The following PGBD5 variants were observed in gnomAD, a reference collection of about 807,000 sequenced individuals.
PGBD5 encodes piggyBac transposable element derived 5.
Under a neutral mutation model 47.9 loss-of-function variants are expected in PGBD5, and 14 were observed. The ratio of observed to expected loss-of-function variants is 0.29; its 90% CI spans 0.19 to 0.46. The LOEUF (loss-of-function observed/expected upper bound fraction) is 0.46, where lower values mean the gene tolerates loss of function less well. Ranked by LOEUF, PGBD5 falls within the 20% of genes least tolerant of loss-of-function variation. The pLI, the probability that PGBD5 is intolerant of heterozygous loss-of-function variation, is 1.00. For synonymous variants in PGBD5, 316 were observed against 306.3 expected, an observed-to-expected ratio of 1.03 and a Z score of -0.33; for missense variants, 635 against 716.0, an observed-to-expected ratio of 0.89 and a Z score of 1.29.
chr1:230,343,536 C>T (rs1197286073), intron 3 of PGBD5, among the ~76,000 whole-genome samples: 4 of 152,214 alleles, frequency 2.6e-5, no homozygotes, highest in African/African-American at 9.6e-5. Flanking sequence ...AAGAGGTCCA[C>T]GGTTATGTCT....
chr1:230,356,730 G>C (rs1667651814), intron 2 of PGBD5, among the ~76,000 whole-genome samples, 164 bp downstream of exon 2: 1 of 152,176 alleles, frequency 6.6e-6, no homozygotes, highest in East Asian at 1.9e-4. Flanking sequence ...ATCTCATTTG[G>C]ATTATGTGGA....
At chr1:230,345,208 G>C (rs1350800111) in intron 3 of PGBD5, among the ~76,000 whole-genome samples, 1 of 152,168 alleles carries the variant, frequency 6.6e-6, no homozygotes, top group African/African-American at 2.4e-5. Context: ...TCCCGCTGGA[G>C]CCTCGATCTT....
At chr1:230,406,141 T>C (rs1657292055) in intron 1 of PGBD5, among the ~76,000 whole-genome samples, 1 of 151,844 alleles carries the variant, frequency 6.6e-6, no homozygotes, top group Non-Finnish European at 1.5e-5. Flanking sequence ...ACCCCATCTC[T>C]ACTAAAAATA....
At chr1:230,387,497 G>C (rs1656671185) in intron 1 of PGBD5, among the ~76,000 whole-genome samples, 1 of 152,242 alleles carries the variant, frequency 6.6e-6, no homozygotes, top group African/African-American at 2.4e-5. Flanking sequence ...CATCCAGGAG[G>C]CCAGGCTGGG....
At chr1:230,356,670 T>A (rs1467633855) in intron 2 of PGBD5, among the ~76,000 whole-genome samples, 1 of 152,212 alleles carries the variant, frequency 6.6e-6, no homozygotes, top group Non-Finnish European at 1.5e-5. Flanking sequence ...AGCAAAAGAC[T>A]GAATTCTGAC....
chr1:230,386,799 A>T (rs1213168749), intron 1 of PGBD5, among the ~76,000 whole-genome samples: 10 of 152,234 alleles, frequency 6.6e-5, no homozygotes, highest in Admixed American at 6.5e-4. Flanking sequence ...AATGTGTTAT[A>T]AATATAGCCC....
intron 1 of PGBD5, among the ~76,000 whole-genome samples, chr1:230,386,977 G>A (rs1022231681): frequency 2.0e-5 from 3 of 152,154 alleles, no homozygotes; most frequent in Admixed American, 1.3e-4. Flanking sequence ...CTAACCTAAC[G>A]TCTCCAAACT....
chr1:230,333,140 G>A lies in PGBD5; in HGVS notation c.1076-99C>T, dbSNP rs181865445. On this transcript the variant is annotated intron_variant, in intron 4 of 6. Coordinates refer to ENST00000391860, the MANE Select transcript of PGBD5 (RefSeq NM_001258311.2). ...CCCCAAGGAAAGGACGGGACTGCCCGGTTCTGAGGCTGATGCTTGGGAGTC... is the reference window on the plus strand; with the variant it reads ...CCCCAAGGAAAGGACGGGACTGCCCAGTTCTGAGGCTGATGCTTGGGAGTC... 1,240 of 1,279,048 alleles carry A rather than the reference G, an allele frequency of 9.7e-4. 1 individual carries two copies. The highest frequency in any genetic ancestry group is 1.2e-3 in the Non-Finnish European group (1,138 of 927,250). 79.2% of individuals were successfully genotyped at this position (1,279,048 alleles called of 1,614,324 possible). A position where few individuals can be genotyped will look rare whatever the true frequency, so the allele number is the denominator to read the frequency against.
intron 1 of PGBD5, among the ~76,000 whole-genome samples, chr1:230,363,513 C>T (rs772971936): frequency 3.2e-4 from 49 of 151,664 alleles, no homozygotes; most frequent in Non-Finnish European, 5.9e-4. Flanking sequence ...ACCTGGGAGG[C>T]GGAGGCTGCA....
At chr1:230,338,867 T>G (rs953571053) in intron 3 of PGBD5, among the ~76,000 whole-genome samples, 1 of 152,214 alleles carries the variant, frequency 6.6e-6, no homozygotes, top group Non-Finnish European at 1.5e-5. Context: ...TTCTTGAAGC[T>G]GCGTCCCTCT....
Position 230,356,957 on chromosome 1 carries a change from G to A in PGBD5, c.696C>T (p.Val232=). 6.2e-7 allele frequency: 1 copy of A among 1,614,184 alleles called. No homozygotes were observed. Among genetic ancestry groups the A allele is most frequent in the Non-Finnish European group, 8.5e-7 (1 of 1,180,032 alleles). ...SSQTTHGLYK[V]QPFLDSLQNS... ...TCTGCAGGGAGTCGAGGAAGGGCTG[G>A]ACCTTGTAGAGCCCGTGCGTGGTCT... Residue 232 remains valine, a synonymous_variant, in exon 2 of 7, where the codon GTC becomes GTT. Transcript: ENST00000391860.
At chr1:230,371,022 C>T (rs1288584513) in intron 1 of PGBD5, among the ~76,000 whole-genome samples, 1 of 152,128 alleles carries the variant, frequency 6.6e-6, no homozygotes, top group African/African-American at 2.4e-5. Flanking sequence ...CACTCATAGA[C>T]CCTCTCCAGA....
chr1:230,332,804 C>A, intron 5 of PGBD5, 40 bp downstream of exon 5: 1 of 1,610,876 alleles, frequency 6.2e-7, no homozygotes, highest in Non-Finnish European at 8.5e-7. Context: ...TCAACCAATC[C>A]CCGCGCGCCC....
Position 230,318,787 on chromosome 1 carries a change from C to T in PGBD5, c.*4638G>A, listed in dbSNP as rs115210521. ...GCTGGGGCCATCTGGGTGAGGAAAT[C>T]GCTATGGTTCTTTCTGGCTCAGGGT... On this transcript the variant is annotated 3_prime_UTR_variant, in exon 7 of 7. Transcript: ENST00000391860. 4,016 of 152,514 alleles carry T rather than the reference C, an allele frequency of 0.026. 86 individuals carry two copies. Among genetic ancestry groups the T allele is most frequent in the South Asian group, 0.1 (484 of 4,816 alleles). The allele number at this position is 152,514 out of a possible 1,614,324, so 9.4% of individuals were successfully genotyped here. A position where few individuals can be genotyped will look rare whatever the true frequency, so the allele number is the denominator to read the frequency against.
At chr1:230,344,820 A>G (rs540810673) in intron 3 of PGBD5, among the ~76,000 whole-genome samples, 2 of 152,260 alleles carry the variant, frequency 1.3e-5, no homozygotes, top group Non-Finnish European at 1.5e-5. Context: ...GCCTCCACTG[A>G]GCAGGGCTGT....
chr1:230,393,801 G>A (rs1353733252), intron 1 of PGBD5, among the ~76,000 whole-genome samples: 1 of 149,826 alleles, frequency 6.7e-6, no homozygotes, highest in African/African-American at 2.5e-5. Flanking sequence ...CTCCCGCCTG[G>A]GCGACAGAAC....
chr1:230,384,813 A>G (rs1656595735), intron 1 of PGBD5, among the ~76,000 whole-genome samples: 3 of 152,002 alleles, frequency 2.0e-5, no homozygotes, highest in Admixed American at 1.3e-4. Context: ...TCCCTTCTCT[A>G]CCTCCCTTCC....
intron 1 of PGBD5, among the ~76,000 whole-genome samples, chr1:230,422,372 A>C (rs1379064937): frequency 6.6e-6 from 1 of 151,674 alleles, no homozygotes; most frequent in Non-Finnish European, 1.5e-5. Flanking sequence ...GTTTCCAAAG[A>C]GTGAGCTCAC....
chr1:230,357,170 C>T lies in PGBD5; in HGVS notation c.483G>A (p.Glu161=), dbSNP rs771514679. ...ERFGSDGAWV[E]VTLTEMKAFL... ...ACGCCTTCATCTCCGTCAGCGTCACCTCCACCCAGGCTCCGTCGCTCCCAA... is the reference window on the plus strand; with the variant it reads ...ACGCCTTCATCTCCGTCAGCGTCACTTCCACCCAGGCTCCGTCGCTCCCAA... Residue 161 remains glutamate, a synonymous_variant, in exon 2 of 7, where the codon GAG becomes GAA. Transcript: ENST00000391860. This position sits in a 1 kb window ranked among gnomAD's most constrained non-coding sequence, Gnocchi z 5.7. The T allele has an allele frequency of 1.4e-5, 22 of 1,614,190 alleles. No individual in the cohort carries two copies. Among genetic ancestry groups the T allele is most frequent in the South Asian group, 1.1e-5 (1 of 91,082 alleles).
Sources: gnomAD v4.1 joint callset for allele counts (sites outside exome capture counted in the v4.1 genomes callset) on GRCh38, gnomAD v4.1.1 for gene constraint, Gnocchi (gnomAD v3.1) non-coding constraint, MANE v1.5 for transcripts, NCBI Gene and HGNC (gene_info 2026-07-23, HGNC 2026-07-21) for gene names.